The following NTRK2 variants were observed in gnomAD, a reference collection of about 807,000 sequenced individuals.
The protein encoded by NTRK2 is BDNF/NT-3 growth factors receptor.
Under a neutral mutation model 94.5 loss-of-function variants are expected in NTRK2, and 13 were observed. The ratio of observed to expected loss-of-function variants is 0.14; its 90% CI spans 0.09 to 0.22. The LOEUF (loss-of-function observed/expected upper bound fraction) is 0.22. Ranked by LOEUF, NTRK2 falls within the 10% of genes least tolerant of loss-of-function variation. The pLI, the probability that NTRK2 is intolerant of heterozygous loss-of-function variation, is 1.00. For missense variants in NTRK2, 639 were observed against 1,071.2 expected, an observed-to-expected ratio of 0.60 and a Z score of 5.63; for synonymous variants, 372 against 407.4, an observed-to-expected ratio of 0.91 and a Z score of 1.05.
intron 15 of NTRK2, 67 bp from the exon 16 acceptor site, chr9:84,948,395 T>C: frequency 6.7e-7 from 1 of 1,490,104 alleles, no homozygotes; most frequent in Non-Finnish European, 9.3e-7. Context: ...ATGAGATGGA[T>C]GTCTTTCCTA....
At chr9:84,775,629 A>G (rs2066956892) in intron 12 of NTRK2, among the ~76,000 whole-genome samples, 2 of 152,206 alleles carry the variant, frequency 1.3e-5, no homozygotes, top group Admixed American at 1.3e-4. Flanking sequence ...TCTCTTATAA[A>G]TATGCATATA....
intron 17 of NTRK2, among the ~76,000 whole-genome samples, chr9:85,001,900 G>C (rs1311632060): frequency 1.3e-5 from 2 of 152,222 alleles, no homozygotes; most frequent in Non-Finnish European, 2.9e-5. Context: ...AGGGCAGGGA[G>C]GGGACAATTG....
At chr9:84,783,020 A>G (rs1483048655) in intron 12 of NTRK2, among the ~76,000 whole-genome samples, 1 of 152,212 alleles carries the variant, frequency 6.6e-6, no homozygotes, top group East Asian at 1.9e-4. Flanking sequence ...TGAAGCTTCC[A>G]GTAGATATTC....
At chr9:84,947,496 C>T (rs1346279203) in intron 15 of NTRK2, among the ~76,000 whole-genome samples, 1 of 152,112 alleles carries the variant, frequency 6.6e-6, no homozygotes, top group African/African-American at 2.4e-5. Flanking sequence ...GGAATGTGCA[C>T]ATGTGCAAAG....
chr9:84,804,912 T>A (rs2070929582), intron 12 of NTRK2, among the ~76,000 whole-genome samples: 1 of 152,208 alleles, frequency 6.6e-6, no homozygotes, highest in South Asian at 2.1e-4. Flanking sequence ...TGTCTCCATG[T>A]GGTAGTAGTA....
chr9:85,014,871 C>T (rs1365662509), intron 17 of NTRK2, among the ~76,000 whole-genome samples: 3 of 152,116 alleles, frequency 2.0e-5, no homozygotes, highest in African/African-American at 7.2e-5. Context: ...TACGAGGTGT[C>T]ATAGAAATAA....
Position 85,021,347 on chromosome 9 carries a change from G to A in NTRK2, c.2427G>A (p.Glu809=), listed in dbSNP as rs2118011162. 2.5e-6 allele frequency: 4 copies of A among 1,614,188 alleles called. No individual in the cohort carries two copies. The highest frequency in any genetic ancestry group is 3.4e-6 in the Non-Finnish European group (4 of 1,180,030). The change falls in exon 19 of 19, where the codon GAG becomes GAA. Residue 809 remains glutamate (E), a synonymous_variant. Transcript: ENST00000277120. ...TGATGCTGGGGTGCTGGCAGCGAGA[G>A]CCCCACATGAGGAAGAACATCAAGG... is the stretch of plus-strand genomic sequence containing the variant. The part of the protein sequence containing the change: ...YELMLGCWQR[E]PHMRKNIKGI...
chr9:84,678,036 T>TAC (rs747438692), intron 2 of NTRK2, among the ~76,000 whole-genome samples: 2 of 152,024 alleles, frequency 1.3e-5, no homozygotes, highest in Admixed American at 6.5e-5. Context: ...AAGAATTGTC[T>TAC]ACACACACAC....
chr9:84,952,993 A>G (rs1323685681), intron 16 of NTRK2, among the ~76,000 whole-genome samples: 1 of 152,212 alleles, frequency 6.6e-6, no homozygotes, highest in Non-Finnish European at 1.5e-5. Context: ...GTACCTATGA[A>G]GATTAAATTC....
chr9:84,789,111 A>G (rs7031813), intron 12 of NTRK2, among the ~76,000 whole-genome samples: 2,016 of 152,308 alleles, frequency 0.013, 24 homozygotes, highest in Non-Finnish European at 0.02. Context: ...AAGTTGAAGA[A>G]CAGCTAGGTT....
rs1402829992 is a variant in NTRK2, at chr9:84,948,478, G to C, written c.1781G>C (p.Ser594Thr). The C allele has an allele frequency of 5.0e-6, 8 of 1,614,160 alleles. No homozygotes were observed. Among genetic ancestry groups the C allele is most frequent in the Non-Finnish European group, 5.9e-6 (7 of 1,180,034 alleles). The stretch of plus-strand genomic sequence containing the variant: ...CATCCCCAGACCCTGAAGGATGCCA[G>C]TGACAATGCACGCAAGGACTTCCAC... ...LVAVKTLKDA[S>T]DNARKDFHRE... The change falls in exon 16 of 19, where the codon AGT becomes ACT. Residue 594 changes from serine to threonine, a missense_variant. Transcript: ENST00000277120.
chr9:84,993,317 G>A (rs1829327114), intron 17 of NTRK2, among the ~76,000 whole-genome samples: 1 of 152,152 alleles, frequency 6.6e-6, no homozygotes, highest in African/African-American at 2.4e-5. Context: ...TTTGGAGACT[G>A]CAGAGCTCCC....
At chr9:84,815,045 T>C in intron 12 of NTRK2, 1 of 1,059,096 alleles carries the variant, frequency 9.4e-7, no homozygotes. Context: ...CAGACTGAAT[T>C]TGGCTGACAG....
At chr9:84,829,058 G>T (rs867830771) in intron 12 of NTRK2, among the ~76,000 whole-genome samples, 1 of 152,130 alleles carries the variant, frequency 6.6e-6, no homozygotes. Context: ...GAGTGCAGTG[G>T]CACGATCTCA....
At chr9:84,764,735 G>A (rs2065880195) in intron 12 of NTRK2, among the ~76,000 whole-genome samples, 2 of 152,170 alleles carry the variant, frequency 1.3e-5, no homozygotes, top group Admixed American at 1.3e-4. Flanking sequence ...AAGGAAATCA[G>A]TATACGGAAG....
chr9:84,787,318 C>A (rs187673781), intron 12 of NTRK2, among the ~76,000 whole-genome samples: 20 of 151,378 alleles, frequency 1.3e-4, no homozygotes, highest in East Asian at 1.2e-3. Flanking sequence ...AACAAACAAA[C>A]AAAACAAACA....
Position 85,016,522 on chromosome 9 carries a change from T to A in NTRK2, c.2173-3684T>A, listed in dbSNP as rs149652210. Among the ~76,000 whole-genome samples, 18 of 152,312 alleles carry A rather than the reference T, an allele frequency of 1.2e-4. No homozygotes were observed. The East Asian group carries it at 3.5e-3, about 29-fold the overall frequency. ...TCTCACAAATATTTAAGCAAGGGCATGAGGGCAAGTTGCCAAGTAGTACGA... is the reference window on the plus strand; with the variant it reads ...TCTCACAAATATTTAAGCAAGGGCAAGAGGGCAAGTTGCCAAGTAGTACGA... On this transcript the variant is annotated intron_variant, in intron 17 of 18. Coordinates refer to ENST00000277120, the MANE Select transcript of NTRK2 (RefSeq NM_006180.6).
At chr9:84,693,157 T>C (rs2060157811) in intron 2 of NTRK2, among the ~76,000 whole-genome samples, 1 of 152,194 alleles carries the variant, frequency 6.6e-6, no homozygotes, top group African/African-American at 2.4e-5. Context: ...TTCTAAAAAA[T>C]AAAGCACCCT....
At chr9:84,877,490 A>C in intron 14 of NTRK2, 1 of 1,066,304 alleles carries the variant, frequency 9.4e-7, no homozygotes, top group African/African-American at 1.6e-5. Context: ...TCTGTGTATT[A>C]CTGTGATTCT....
Sources: gnomAD v4.1 joint callset for allele counts (sites outside exome capture counted in the v4.1 genomes callset) on GRCh38, gnomAD v4.1.1 for gene constraint, MANE v1.5 for transcripts, NCBI Gene and HGNC (gene_info 2026-07-23, HGNC 2026-07-21) for gene names.